Variants in VOPP1 observed in about 807,000 individuals in gnomAD.
VOPP1 encodes the protein VOPP1 WW domain binding protein, also known as WW domain binding protein VOPP1.
VOPP1 carries 8 observed loss-of-function variants against 23.5 expected under a neutral mutation model. That is an observed-to-expected ratio of 0.34 (90% confidence interval 0.20 to 0.61). VOPP1 has a LOEUF of 0.61. VOPP1 is among the 20% of genes least tolerant of loss of function. The pLI is 0.78. For missense variants in VOPP1, 174 were observed against 238.1 expected (o/e 0.73, Z 1.77); for synonymous variants, 83 against 97.3 (o/e 0.85, Z 0.86).
intron 4 of VOPP1, among the ~76,000 whole-genome samples, chr7:55,461,165 C>T (rs898228838): frequency 1.3e-5 from 2 of 151,996 alleles, no homozygotes; most frequent in South Asian, 2.1e-4. Context: ...TGTTCTCACT[C>T]GTAAGTGGGA....
rs545401518 is a variant in VOPP1 at position 55,518,793 on chromosome 7, G to C, written c.113+2279C>G. 9.5e-5 allele frequency among the ~76,000 whole-genome samples: 13 copies of C among 136,204 alleles called. No homozygotes were observed. The South Asian group carries it at 3.2e-3, about 33-fold the overall frequency. The allele number at this position is 136,204 out of a possible 152,430, so 89.4% of individuals were successfully genotyped here. On this transcript the variant is annotated intron_variant, in intron 2 of 4. Transcript: ENST00000285279. ...GATAAAGCCAGACGCTCTCTTGAAA[G>C]TCTACTGTTAAAAGGCATTGTTCCT...
intron 4 of VOPP1, among the ~76,000 whole-genome samples, chr7:55,481,574 T>C (rs1298839340): frequency 1.3e-5 from 2 of 152,230 alleles, no homozygotes; most frequent in East Asian, 3.9e-4. Flanking sequence ...GAACCAGCAC[T>C]GCAGGGTCCT....
At chr7:55,555,240 G>A (rs760491573) in intron 1 of VOPP1, among the ~76,000 whole-genome samples, 28 of 152,156 alleles carry the variant, frequency 1.8e-4, no homozygotes, top group Admixed American at 1.2e-3. Flanking sequence ...AGGGGGAAGC[G>A]ACAGGAGAGG....
intron 4 of VOPP1, among the ~76,000 whole-genome samples, chr7:55,461,568 C>T (rs1183946963): frequency 6.6e-6 from 1 of 152,110 alleles, no homozygotes; most frequent in Non-Finnish European, 1.5e-5. Flanking sequence ...CAGGCATGTG[C>T]CACCATGCCC....
chr7:55,511,338 A>G (rs114059455), intron 2 of VOPP1, among the ~76,000 whole-genome samples: 2,273 of 152,294 alleles, frequency 0.015, 65 homozygotes, highest in African/African-American at 0.051. Flanking sequence ...CAGCAATTCA[A>G]TTTCTGCAAA....
intron 4 of VOPP1, among the ~76,000 whole-genome samples, chr7:55,445,532 G>T (rs928790678): frequency 6.6e-6 from 1 of 152,190 alleles, no homozygotes; most frequent in African/African-American, 2.4e-5. Context: ...TCCAGTCTAA[G>T]TACATCTTTT....
chr7:55,512,303 G>A (rs1463433756), intron 2 of VOPP1, among the ~76,000 whole-genome samples: 1 of 152,096 alleles, frequency 6.6e-6, no homozygotes, highest in Non-Finnish European at 1.5e-5. Flanking sequence ...GCACGTGCCT[G>A]TAATCCCAGC....
intron 1 of VOPP1, among the ~76,000 whole-genome samples, chr7:55,547,312 T>C (rs1797409245): frequency 6.6e-6 from 1 of 152,208 alleles, no homozygotes; most frequent in South Asian, 2.1e-4. Context: ...GCTACATGCA[T>C]TCATGTAGAA....
chr7:55,538,599 C>A (rs1477703608), intron 1 of VOPP1: 1 of 1,534,914 alleles, frequency 6.5e-7, no homozygotes, highest in African/African-American at 1.4e-5. Context: ...ACATAATAAT[C>A]CATCTATACA....
downstream of VOPP1, among the ~76,000 whole-genome samples, chr7:55,470,286 G>A (rs1791742191): frequency 6.6e-6 from 1 of 152,204 alleles, no homozygotes; most frequent in South Asian, 2.1e-4. Flanking sequence ...ATCTGTGAGA[G>A]AAGTGTTATT....
At chr7:55,511,827 C>A (rs1018804169) in intron 2 of VOPP1, among the ~76,000 whole-genome samples, 1 of 152,194 alleles carries the variant, frequency 6.6e-6, no homozygotes, top group Non-Finnish European at 1.5e-5. Context: ...CCAAGCAGTG[C>A]CCCAACTGCC....
chr7:55,517,627 C>T lies in VOPP1; in HGVS notation c.113+3445G>A, dbSNP rs1795552340. 2.6e-5 allele frequency among the ~76,000 whole-genome samples: 4 copies of T among 152,162 alleles called. No individual in the cohort carries two copies. In the South Asian group the frequency reaches 8.3e-4, roughly 32 times the overall value. ...TTCTCCACCAAGGCAGCAGAAACCACAGTGGGCTTCAGAGATCAAAAATAA... is the reference window on the plus strand; with the variant it reads ...TTCTCCACCAAGGCAGCAGAAACCATAGTGGGCTTCAGAGATCAAAAATAA... On this transcript the variant is annotated intron_variant, in intron 2 of 4. Coordinates refer to ENST00000285279, the MANE Select transcript of VOPP1 (RefSeq NM_030796.5).
At chr7:55,564,698 C>T (rs1045572783) in intron 1 of VOPP1, among the ~76,000 whole-genome samples, 4 of 152,142 alleles carry the variant, frequency 2.6e-5, no homozygotes, top group Admixed American at 2.6e-4. Context: ...TGTGCAGCCA[C>T]CTGGGCACAG....
chr7:55,487,876 C>G (rs1793260251), intron 4 of VOPP1, among the ~76,000 whole-genome samples: 1 of 152,212 alleles, frequency 6.6e-6, no homozygotes, highest in African/African-American at 2.4e-5. Context: ...AGCCAGCCAG[C>G]CCTTCCTTCC....
intron 1 of VOPP1, among the ~76,000 whole-genome samples, chr7:55,544,478 C>A (rs1249653558): frequency 6.6e-6 from 1 of 151,950 alleles, no homozygotes; most frequent in Non-Finnish European, 1.5e-5. Flanking sequence ...TGGTGTCCAT[C>A]GGATGAAAAA....
intron 4 of VOPP1, among the ~76,000 whole-genome samples, chr7:55,456,792 C>A (rs541012042): frequency 1.8e-4 from 28 of 152,124 alleles, no homozygotes; most frequent in African/African-American, 6.7e-4. Flanking sequence ...CACACCAGGG[C>A]CTGTCGGGGG....
chr7:55,444,176 A>G (rs866762829), intron 4 of VOPP1, among the ~76,000 whole-genome samples: 1 of 152,168 alleles, frequency 6.6e-6, no homozygotes, highest in Non-Finnish European at 1.5e-5. Flanking sequence ...TAGAGCTTTG[A>G]TGATGGTTTG....
rs546941688 is a variant in VOPP1, at chr7:55,521,728, ACAGGGCAGGG to A, written c.55-608_55-599del. On this transcript the variant is annotated intron_variant, in intron 1 of 4. Coordinates refer to ENST00000285279, the MANE Select transcript of VOPP1 (RefSeq NM_030796.5). ...CATCCCGGAGGCAGGGCCCAGCCCCACAGGGCAGGGCAGGGCAGGGCAGGGCAGGGTGGGT... is the reference window on the plus strand; with the variant it reads ...CATCCCGGAGGCAGGGCCCAGCCCCACAGGGCAGGGCAGGGCAGGGTGGGT... The A allele has an allele frequency of 5.6e-5, 55 of 985,224 alleles. No individual in the cohort carries two copies. The East Asian group carries it at 7.9e-4, about 14-fold the overall frequency. 61.0% of individuals were successfully genotyped at this position (985,224 alleles called of 1,614,324 possible). A position where few individuals can be genotyped will look rare whatever the true frequency, so the allele number is the denominator to read the frequency against.
chr7:55,481,461 T>C (rs1432934918), intron 4 of VOPP1, among the ~76,000 whole-genome samples: 1 of 152,094 alleles, frequency 6.6e-6, no homozygotes, highest in African/African-American at 2.4e-5. Flanking sequence ...TAAAGGGTGG[T>C]AGCAGCCAGG....
Sources: gnomAD v4.1 joint callset for allele counts (sites outside exome capture counted in the v4.1 genomes callset) on GRCh38, gnomAD v4.1.1 for gene constraint, MANE v1.5 for transcripts, NCBI Gene and HGNC (gene_info 2026-07-23, HGNC 2026-07-21) for gene names.